UNC45B: variants seen among roughly 807,000 people sequenced by gnomAD.
UNC45B encodes the protein protein unc-45 homolog B.
In UNC45B, 78 loss-of-function variants were observed where a neutral mutation model predicts 98.7. The ratio of observed to expected loss-of-function variants is 0.79; its 90% CI spans 0.66 to 0.95. The LOEUF is 0.95. UNC45B is among the 40% of genes least tolerant of loss of function. UNC45B has a pLI of 0.00. For synonymous variants in UNC45B, 462 were observed against 480.4 expected, an observed-to-expected ratio of 0.96 and a Z score of 0.50; for missense variants, 1,225 against 1,184.9, an observed-to-expected ratio of 1.03 and a Z score of -0.50.
intron 4 of UNC45B, among the ~76,000 whole-genome samples, chr17:35,152,210 C>T (rs375306138): frequency 4.0e-4 from 60 of 151,814 alleles, no homozygotes; most frequent in African/African-American, 1.2e-3. Context: ...CGTGCCACTG[C>T]GCTCCAGCCT....
chr17:35,157,197 TG>T (rs2092069416), intron 7 of UNC45B, among the ~76,000 whole-genome samples: 2 of 152,148 alleles, frequency 1.3e-5, no homozygotes, highest in African/African-American at 4.8e-5. Flanking sequence ...GAGCCATTTT[TG>T]CATCTATGCT....
chr17:35,182,905 T>C (rs1178758174), intron 18 of UNC45B, among the ~76,000 whole-genome samples: 1 of 151,880 alleles, frequency 6.6e-6, no homozygotes, highest in Admixed American at 6.6e-5. Flanking sequence ...AGGGCACTGG[T>C]CCCCTGGAAG....
chr17:35,149,715 C>T (rs750319823), intron 3 of UNC45B, among the ~76,000 whole-genome samples: 17 of 152,126 alleles, frequency 1.1e-4, no homozygotes, highest in Admixed American at 1.3e-4. Flanking sequence ...GCGCCAGGCC[C>T]GCCTGGCTGT....
intron 19 of UNC45B, among the ~76,000 whole-genome samples, chr17:35,184,055 G>T (rs2092289479): frequency 6.6e-6 from 1 of 152,174 alleles, no homozygotes; most frequent in African/African-American, 2.4e-5. Context: ...CACAAACGTG[G>T]GAGTGCACAA....
intron 13 of UNC45B, among the ~76,000 whole-genome samples, chr17:35,172,209 T>C (rs1476668652): frequency 6.6e-6 from 1 of 152,208 alleles, no homozygotes; most frequent in Non-Finnish European, 1.5e-5. Context: ...TGGAAAAATA[T>C]GTTTTTCACA....
rs145818701 is a variant in UNC45B at position 35,177,107 on chromosome 17, G to C, written c.2116G>C (p.Asp706His). ...AAAGATCGCTGCTGTCTCCAATCCG[G>C]ACATTGCTTTTCCTGGGGAGCGGGT... ...LAKIAAVSNP[D>H]IAFPGERVYE... Residue 706 changes from aspartate to histidine, a missense_variant, in exon 16 of 20, where the codon GAC becomes CAC. By Grantham distance (81) the Asp-to-His change is moderately conservative. Transcript: ENST00000394570. The C allele has an allele frequency of 1.9e-6, 3 of 1,614,068 alleles. No individual in the cohort carries two copies. Among genetic ancestry groups the C allele is most frequent in the Non-Finnish European group, 2.5e-6 (3 of 1,180,046 alleles).
rs1257992708 is a variant in UNC45B at position 35,171,313 on chromosome 17, G to A, written c.1690-9G>A. The A allele has an allele frequency of 6.2e-7, 1 of 1,613,134 alleles. No individual in the cohort carries two copies. The highest frequency in any genetic ancestry group is 8.5e-7 in the Non-Finnish European group (1 of 1,179,536). On this transcript the variant is annotated splice_polypyrimidine_tract_variant and intron_variant, in intron 12 of 19. Transcript: ENST00000394570. ...CTGCTTTCCCTCTCCCCAACCCTGT[G>A]CCTTCCAGACCAGTGACAAGACCAT... is the stretch of plus-strand genomic sequence containing the variant.
rs1007421946 is a variant in UNC45B at position 35,180,736 on chromosome 17, G to A, written c.2373+60G>A. The A allele has an allele frequency of 2.2e-6, 3 of 1,372,770 alleles. No individual in the cohort carries two copies. The African/African-American group carries it at 4.3e-5, about 20-fold the overall frequency. 85.0% of individuals were successfully genotyped at this position (1,372,770 alleles called of 1,614,324 possible). On this transcript the variant is annotated intron_variant, in intron 18 of 19. Transcript: ENST00000394570. ...GATCAAGGCACGAGAGGCAGGCCAG[G>A]GTCAGGGCCTGGGGTGAGATCGGGA...
chr17:35,181,888 C>T (rs2092276431), intron 18 of UNC45B, among the ~76,000 whole-genome samples: 1 of 151,710 alleles, frequency 6.6e-6, no homozygotes, highest in Non-Finnish European at 1.5e-5. Context: ...GCCTGGCAGC[C>T]ATAGGGGAGA....
rs1012798414 is a variant in UNC45B, at chr17:35,164,174, T to C, written c.1151+8T>C. On this transcript the variant is annotated splice_region_variant and intron_variant, in intron 9 of 19. Transcript: ENST00000394570. ...CTGTGAGGAATATATCACGTAAGTTTCCTGGAGGCCTCACAGGGTCAGGCT... is the reference window on the plus strand; with the variant it reads ...CTGTGAGGAATATATCACGTAAGTTCCCTGGAGGCCTCACAGGGTCAGGCT... 6.2e-7 allele frequency: 1 copy of C among 1,603,306 alleles called. No individual in the cohort carries two copies. Among genetic ancestry groups the C allele is most frequent in the Non-Finnish European group, 8.5e-7 (1 of 1,174,362 alleles).
chr17:35,177,244 C>A, intron 16 of UNC45B, 114 bp downstream of exon 16: 1 of 1,019,930 alleles, frequency 9.8e-7, no homozygotes, highest in Non-Finnish European at 1.4e-6. Flanking sequence ...TGCTGTCACA[C>A]GGAGGGTGAT....
intron 10 of UNC45B, among the ~76,000 whole-genome samples, chr17:35,169,143 G>A (rs764778562): frequency 6.6e-6 from 1 of 151,938 alleles, no homozygotes; most frequent in Non-Finnish European, 1.5e-5. Flanking sequence ...GGGTTCAAAC[G>A]ATTCTCCTGC....
In UNC45B at chr17:35,155,318, T is replaced by G; in HGVS notation, c.662T>G (p.Val221Gly). The G allele has an allele frequency of 6.2e-7, 1 of 1,614,090 alleles. No homozygotes were observed. The highest frequency in any genetic ancestry group is 1.7e-5 in the Admixed American group (1 of 60,030). ...QARATVILHA[V>G]RIDRICSLMA... ...TAGGCCACAGTGATTCTGCATGCAG[T>G]GCGGATAGACCGAATCTGTAGCCTC... Residue 221 changes from valine (V) to glycine (G), a missense_variant, in exon 7 of 20, where the codon GTG (valine) becomes GGG (glycine). Transcript: ENST00000394570.
In UNC45B at chr17:35,169,850, T is replaced by G; in HGVS notation, c.1466T>G (p.Leu489Arg). ...TCTCCTCCTCAGGGACTCTGTAAGCTCGGCTCTGCAGGTGGCACAGACTAC... is the reference window on the plus strand; with the variant it reads ...TCTCCTCCTCAGGGACTCTGTAAGCGCGGCTCTGCAGGTGGCACAGACTAC... ...KIRTLVGLCK[L>R]GSAGGTDYGL... Residue 489 changes from leucine (L) to arginine (R), a missense_variant, in exon 11 of 20, where the codon CTC becomes CGC. Coordinates refer to ENST00000394570, the MANE Select transcript of UNC45B (RefSeq NM_001267052.2). 6.2e-7 allele frequency: 1 copy of G among 1,614,104 alleles called. No homozygotes were observed. The highest frequency in any genetic ancestry group is 8.5e-7 in the Non-Finnish European group (1 of 1,180,016).
chr17:35,184,624 G>A (rs1227181487), intron 19 of UNC45B, among the ~76,000 whole-genome samples: 1 of 152,188 alleles, frequency 6.6e-6, no homozygotes, highest in Non-Finnish European at 1.5e-5. Flanking sequence ...GTGTGAGGTG[G>A]ATATTATTAT....
intron 7 of UNC45B, among the ~76,000 whole-genome samples, chr17:35,158,858 T>A (rs1269051890): frequency 6.6e-6 from 1 of 152,190 alleles, no homozygotes; most frequent in African/African-American, 2.4e-5. Context: ...CAAAAATCTC[T>A]AAGTATCTTG....
At position 35,188,341 on chromosome 17, in the gene UNC45B, C is replaced by T. The variant is rs1485369971; in HGVS notation, c.*1782C>T. On this transcript the variant is annotated 3_prime_UTR_variant, in exon 20 of 20. Coordinates refer to ENST00000394570, the MANE Select transcript of UNC45B (RefSeq NM_001267052.2). The stretch of plus-strand genomic sequence containing the variant: ...TGTGGGCTTGAGTGGGTGTATTTAG[C>T]TCCTTTAAAGGAAACTCTTTCACAG... 6.6e-6 allele frequency: 1 copy of T among 152,180 alleles called. No individual in the cohort carries two copies. Among genetic ancestry groups the T allele is most frequent in the Admixed American group, 6.5e-5 (1 of 15,286 alleles). 9.4% of individuals were successfully genotyped at this position (152,180 alleles called of 1,614,324 possible). A position where few individuals can be genotyped will look rare whatever the true frequency, so the allele number is the denominator to read the frequency against.
At chr17:35,181,389 G>C (rs746084121) in intron 18 of UNC45B, among the ~76,000 whole-genome samples, 1 of 152,150 alleles carries the variant, frequency 6.6e-6, no homozygotes, top group Non-Finnish European at 1.5e-5. Context: ...CAAGCCGAAT[G>C]TCCCTCCTGG....
intron 14 of UNC45B, among the ~76,000 whole-genome samples, chr17:35,174,662 A>T (rs922509119): frequency 6.6e-6 from 1 of 151,978 alleles, no homozygotes; most frequent in African/African-American, 2.4e-5. Flanking sequence ...TGTACAAAAA[A>T]ATTTTAAATT....
Sources: allele counts gnomAD v4.1 joint callset (sites outside exome capture counted in the v4.1 genomes callset), GRCh38; gene constraint gnomAD v4.1.1; transcripts MANE v1.5; gene names NCBI Gene and HGNC (gene_info 2026-07-23, HGNC 2026-07-21).